Variants in CRB1 observed in about 807,000 individuals in gnomAD.
The protein encoded by CRB1 is protein crumbs homolog 1.
Under a neutral mutation model 120.0 loss-of-function variants are expected in CRB1, and 83 were observed. That is an observed-to-expected ratio of 0.69 (90% confidence interval 0.58 to 0.83). CRB1 has a LOEUF of 0.83. Among genes scored for constraint, CRB1 ranks in the 40% least tolerant of loss-of-function variants. The probability of loss-of-function intolerance (pLI) is 0.00; values close to 1 mark genes in which losing one functional copy is unlikely to be tolerated. For missense variants in CRB1, 1,699 were observed against 1,687.6 expected, an observed-to-expected ratio of 1.01 and a Z score of -0.12; for synonymous variants, 625 against 612.5, an observed-to-expected ratio of 1.02 and a Z score of -0.30.
intron 2 of CRB1, among the ~76,000 whole-genome samples, chr1:197,343,852 T>C (rs1477039136): frequency 6.6e-6 from 1 of 152,196 alleles, no homozygotes; most frequent in Non-Finnish European, 1.5e-5. Flanking sequence ...ATACAGCTAA[T>C]AAGTGGCTGT....
chr1:197,318,746 A>G (rs1000239600), intron 1 of CRB1, among the ~76,000 whole-genome samples: 4 of 152,212 alleles, frequency 2.6e-5, no homozygotes, highest in African/African-American at 9.7e-5. Flanking sequence ...AGGCTTGGGA[A>G]GACAGTGCAT....
chr1:197,270,767 A>T (rs1654863330), intron 1 of CRB1, among the ~76,000 whole-genome samples: 1 of 152,186 alleles, frequency 6.6e-6, no homozygotes, highest in Non-Finnish European at 1.5e-5. Context: ...CTGGAATGTG[A>T]ACCTGGAGAT....
At chr1:197,431,302 C>T (rs1053054642) in intron 8 of CRB1, among the ~76,000 whole-genome samples, 1 of 151,980 alleles carries the variant, frequency 6.6e-6, no homozygotes, top group Non-Finnish European at 1.5e-5. Flanking sequence ...GGGAAGTTCT[C>T]TAGAAAAACG....
Position 197,357,012 on chromosome 1 carries a change from A to T in CRB1, c.1170A>T (p.Thr390=), listed in dbSNP as rs1263824224. 6.2e-7 allele frequency: 1 copy of T among 1,614,084 alleles called. No individual in the cohort carries two copies. Among genetic ancestry groups the T allele is most frequent in the African/African-American group, 1.3e-5 (1 of 74,940 alleles). ...GYVCICQPGF[T]GIHCEEDVNE... is the part of the protein sequence containing the mutation. ...TCTGTATCTGTCAGCCTGGATTCACAGGTGAGGCCAAGGAGATGGGATATG... is the reference window on the plus strand; with the variant it reads ...TCTGTATCTGTCAGCCTGGATTCACTGGTGAGGCCAAGGAGATGGGATATG... Residue 390 remains threonine (T), a splice_region_variant and synonymous_variant, in exon 5 of 12, where the codon ACA becomes ACT. Transcript: ENST00000367400.
At chr1:197,396,264 A>C (rs1662767037) in intron 5 of CRB1, among the ~76,000 whole-genome samples, 1 of 152,182 alleles carries the variant, frequency 6.6e-6, no homozygotes, top group South Asian at 2.1e-4. Context: ...GTATACATTT[A>C]ACAATAGTAG....
At chr1:197,343,555 C>T (rs140013321) in intron 2 of CRB1, among the ~76,000 whole-genome samples, 103 of 151,798 alleles carry the variant, frequency 6.8e-4, no homozygotes, top group African/African-American at 2.4e-3. Context: ...ACATTGTCAC[C>T]AGTTTTTGTA....
Position 197,316,475 on chromosome 1 carries a change from G to C in CRB1, c.71-11947G>C, listed in dbSNP as rs1194606802. Among the ~76,000 whole-genome samples the C allele has an allele frequency of 3.9e-5, 6 of 152,272 alleles. No homozygotes were observed. The East Asian group carries it at 1.2e-3, about 29-fold the overall frequency. On this transcript the variant is annotated intron_variant, in intron 1 of 11. Transcript: ENST00000367400. ...TGGGATTACAGGCGTGAGCCACCGC[G>C]CCCGTCCCAGATTTTTATATGTGTC...
intron 5 of CRB1, among the ~76,000 whole-genome samples, chr1:197,403,315 A>G (rs896104118): frequency 2.0e-5 from 3 of 152,218 alleles, no homozygotes; most frequent in African/African-American, 7.2e-5. Flanking sequence ...CAGGTACATT[A>G]GAGGAGGCTG....
chr1:197,331,731 T>C (rs1658866051), intron 2 of CRB1, among the ~76,000 whole-genome samples: 1 of 152,218 alleles, frequency 6.6e-6, no homozygotes, highest in South Asian at 2.1e-4. Flanking sequence ...TAATGTTTCA[T>C]TCATTTCAAC....
At position 197,442,276 on chromosome 1, in the gene CRB1, A is replaced by G. The variant is rs750312044; in HGVS notation, c.3989A>G (p.Glu1330Gly). Residue 1330 changes from glutamate (E) to glycine (G), a missense_variant, in exon 11 of 12, where the codon GAG becomes GGG. Physicochemically the swap from Glu to Gly is moderately conservative, Grantham distance 98 (BLOSUM62 -2). Transcript: ENST00000367400. ...CTCTGTGATGTTGCCTTTGCTGGCG[A>G]GCGCTGCGAGGTGGACGTAAGCAGC... ...QCLCDVAFAGERCEVDLADDL... is the reference protein window; with the variant it reads ...QCLCDVAFAGGRCEVDLADDL... 1.9e-6 allele frequency: 3 copies of G among 1,614,098 alleles called. No individual in the cohort carries two copies. Among genetic ancestry groups the G allele is most frequent in the Middle Eastern group, 1.6e-4 (1 of 6,084 alleles).
At chr1:197,210,363 C>G in the CRB1 span, among the ~76,000 whole-genome samples, 1 of 152,090 alleles carries the variant, frequency 6.6e-6, no homozygotes, top group Non-Finnish European at 1.5e-5. Flanking sequence ...CTCATTCAAT[C>G]AGTTGAAGGC....
chr1:197,399,547 A>C (rs553010625), intron 5 of CRB1, among the ~76,000 whole-genome samples: 1 of 152,320 alleles, frequency 6.6e-6, no homozygotes, highest in South Asian at 2.1e-4. Flanking sequence ...TACTTTCCTC[A>C]TCAAGTTTTT....
chr1:197,249,242 A>G, the CRB1 span, among the ~76,000 whole-genome samples: 1 of 151,990 alleles, frequency 6.6e-6, no homozygotes, highest in Non-Finnish European at 1.5e-5. Context: ...TTAGTGCTCC[A>G]TTAAATATAC....
chr1:197,244,191 T>C, the CRB1 span, among the ~76,000 whole-genome samples: 14 of 152,150 alleles, frequency 9.2e-5, no homozygotes, highest in African/African-American at 3.4e-4. Flanking sequence ...GTTAATATTG[T>C]TATGTTTGAA....
chr1:197,303,506 A>T (rs1656997277), intron 1 of CRB1, among the ~76,000 whole-genome samples: 1 of 151,972 alleles, frequency 6.6e-6, no homozygotes, highest in Admixed American at 6.6e-5. Flanking sequence ...CCATCAGATG[A>T]CTGTATCTAG....
chr1:197,428,105 A>G, intron 7 of CRB1, 104 bp downstream of exon 7: 1 of 982,228 alleles, frequency 1.0e-6, no homozygotes, highest in Non-Finnish European at 1.6e-6. Context: ...AGATGATGTT[A>G]CTGACCCACC....
At chr1:197,368,244 A>G (rs1661185220) in intron 5 of CRB1, among the ~76,000 whole-genome samples, 1 of 152,228 alleles carries the variant, frequency 6.6e-6, no homozygotes, top group Non-Finnish European at 1.5e-5. Flanking sequence ...ATTTGAGAAT[A>G]TAAATCCTAG....
At chr1:197,472,543 C>T (rs1667027261) in intron 11 of CRB1, among the ~76,000 whole-genome samples, 1 of 152,110 alleles carries the variant, frequency 6.6e-6, no homozygotes, top group African/African-American at 2.4e-5. Flanking sequence ...TTTTTCAGAG[C>T]TCCTTCTGAT....
intron 5 of CRB1, among the ~76,000 whole-genome samples, chr1:197,381,308 A>C (rs1302770919): frequency 6.6e-6 from 1 of 152,244 alleles, no homozygotes; most frequent in Non-Finnish European, 1.5e-5. Context: ...ATAAAAGGAG[A>C]CTAGATTATT....
Sources: gnomAD v4.1 joint callset for allele counts (sites outside exome capture counted in the v4.1 genomes callset) on GRCh38, gnomAD v4.1.1 for gene constraint, MANE v1.5 for transcripts, NCBI Gene and HGNC (gene_info 2026-07-23, HGNC 2026-07-21) for gene names.